Variants in CLEC17A observed in about 807,000 individuals in gnomAD.
The protein encoded by CLEC17A is C-type lectin domain containing 17A, also known as C-type lectin domain family 17, member A.
A neutral mutation model predicts 61.3 loss-of-function variants in CLEC17A; 37 were observed. The observed-to-expected ratio is 0.60, with a 90% CI of 0.46 to 0.79. The LOEUF (loss-of-function observed/expected upper bound fraction) is 0.79. CLEC17A is among the 30% of genes least tolerant of loss of function. CLEC17A has a pLI of 0.00. For missense variants in CLEC17A, 418 were observed against 464.7 expected (o/e 0.90, Z 0.92); for synonymous variants, 168 against 164.9 (o/e 1.02, Z -0.14).
chr19:14,587,774 A>G, intron 3 of CLEC17A, 83 bp downstream of exon 3: 4 of 1,583,088 alleles, frequency 2.5e-6, no homozygotes, highest in Non-Finnish European at 3.4e-6. Context: ...TTGTAGACAC[A>G]CAGTCAGTCT....
intron 3 of CLEC17A, among the ~76,000 whole-genome samples, chr19:14,591,869 C>T (rs2074426406): frequency 1.3e-5 from 2 of 149,442 alleles, no homozygotes; most frequent in Admixed American, 1.3e-4. Context: ...ATTGTTTCTT[C>T]CGTGTGTGAA....
At chr19:14,595,751 G>T (rs1432204060) in intron 8 of CLEC17A, among the ~76,000 whole-genome samples, 5 of 152,028 alleles carry the variant, frequency 3.3e-5, no homozygotes, top group African/African-American at 9.7e-5. Flanking sequence ...TAGTGATGGT[G>T]TTGTTGGTAT....
At position 14,607,028 on chromosome 19, in the gene CLEC17A, G is replaced by A. The variant is rs2074897102; in HGVS notation, c.930G>A (p.Val310=). 5.3e-6 allele frequency: 7 copies of A among 1,327,860 alleles called. No homozygotes were observed. The highest frequency in any genetic ancestry group is 6.5e-5 in the Admixed American group (2 of 30,554). The allele number at this position is 1,327,860 out of a possible 1,614,324, so 82.3% of individuals were successfully genotyped here. A position where few individuals can be genotyped will look rare whatever the true frequency, so the allele number is the denominator to read the frequency against. The part of the protein sequence containing the change: ...FVAKAHGSPR[V]YWLGLNDRAQ... ...CCAAGGCCCATGGCTCTCCACGGGT[G>A]TACTGGCTGGGGCTGAATGACAGGG... is the stretch of plus-strand genomic sequence containing the variant. The change falls in exon 13 of 14, where the codon GTG becomes GTA. Residue 310 remains valine (V), a synonymous_variant. Coordinates refer to ENST00000417570, the MANE Select transcript of CLEC17A (RefSeq NM_001204118.2).
chr19:14,607,209 C>CT (rs796728273), intron 13 of CLEC17A, 107 bp downstream of exon 13: 15,183 of 296,862 alleles, frequency 0.051, 59 homozygotes, highest in Middle Eastern at 0.063. Context: ...GGAGCTGTTT[C>CT]TTTTTTTTTT....
chr19:14,588,101 C>T (rs1264194060), intron 3 of CLEC17A, among the ~76,000 whole-genome samples: 4 of 152,066 alleles, frequency 2.6e-5, no homozygotes, highest in Non-Finnish European at 5.9e-5. Flanking sequence ...ATCTCCTCAC[C>T]TTTCTACCCA....
intron 12 of CLEC17A, among the ~76,000 whole-genome samples, chr19:14,602,727 T>C (rs916102118): frequency 2.6e-5 from 4 of 152,080 alleles, no homozygotes; most frequent in African/African-American, 9.7e-5. Flanking sequence ...ATTATTTGTA[T>C]GAGTAGTTAA....
At chr19:14,582,571 T>C (rs2074195145), upstream of CLEC17A, among the ~76,000 whole-genome samples, 1 of 151,994 alleles carries the variant, frequency 6.6e-6, no homozygotes, top group South Asian at 2.1e-4. Context: ...CTCAAGACCC[T>C]TAATTAATTA....
intron 4 of CLEC17A, among the ~76,000 whole-genome samples, chr19:14,593,964 AAAAC>A (rs542906170): frequency 1.1e-3 from 158 of 146,894 alleles, no homozygotes; most frequent in African/African-American, 2.2e-3. Context: ...TCTGTCTCAT[AAAAC>A]AAACAAACAA....
rs71166764 is a variant in CLEC17A, at chr19:14,607,550, A to ATTATTTAT, written c.1004+482_1004+489dup. ...AGCTCTACTTGTTTTATTTTATTTT[A>ATTATTTAT]TTATTTATTTATTTATTTATTTATT... is the stretch of plus-strand genomic sequence containing the variant. On this transcript the variant is annotated intron_variant, in intron 13 of 13. Coordinates refer to ENST00000417570, the MANE Select transcript of CLEC17A (RefSeq NM_001204118.2). Among the ~76,000 whole-genome samples, 1,011 of 141,458 alleles carry ATTATTTAT rather than the reference A, an allele frequency of 7.1e-3. 7 individuals carry two copies. Among genetic ancestry groups the ATTATTTAT allele is most frequent in the Admixed American group, 9.9e-3 (140 of 14,184 alleles). 92.8% of individuals were successfully genotyped at this position (141,458 alleles called of 152,430 possible). A position where few individuals can be genotyped will look rare whatever the true frequency, so the allele number is the denominator to read the frequency against.
At chr19:14,603,882 C>T (rs1022764439) in intron 12 of CLEC17A, among the ~76,000 whole-genome samples, 9 of 152,166 alleles carry the variant, frequency 5.9e-5, no homozygotes, top group African/African-American at 1.9e-4. Context: ...TGAGTTCCCT[C>T]TTCTTAAACT....
At chr19:14,587,294 C>G (rs1324447044) in intron 2 of CLEC17A, among the ~76,000 whole-genome samples, 3 of 150,324 alleles carry the variant, frequency 2.0e-5, no homozygotes, top group Non-Finnish European at 2.9e-5. Context: ...GGGCTTCCCC[C>G]CAAGATGGAT....
chr19:14,606,237 A>G (rs2074864633), intron 12 of CLEC17A, among the ~76,000 whole-genome samples: 1 of 152,204 alleles, frequency 6.6e-6, no homozygotes, highest in African/African-American at 2.4e-5. Flanking sequence ...TAAGACGTCC[A>G]CAGTATGAGG....
chr19:14,611,073 A>T lies in CLEC17A; in HGVS notation c.*877A>T, dbSNP rs1356247045. On this transcript the variant is annotated 3_prime_UTR_variant, in exon 14 of 14. Coordinates refer to ENST00000417570, the MANE Select transcript of CLEC17A (RefSeq NM_001204118.2). Reference sequence around the variant, plus strand: ...ATTTCCCTTTGAGCTAGACCTCTAGATCTGCCTCGCACAGAAATACATTAA... The same window carrying T: ...ATTTCCCTTTGAGCTAGACCTCTAGTTCTGCCTCGCACAGAAATACATTAA... The T allele has an allele frequency of 6.6e-6, 1 of 150,912 alleles. No homozygotes were observed. The highest frequency in any genetic ancestry group is 1.5e-5 in the Non-Finnish European group (1 of 67,926). The allele number at this position is 150,912 out of a possible 1,614,324, so 9.3% of individuals were successfully genotyped here.
intron 12 of CLEC17A, among the ~76,000 whole-genome samples, chr19:14,605,330 A>C (rs561781626): frequency 1.3e-5 from 2 of 149,696 alleles, no homozygotes; most frequent in South Asian, 4.6e-4. Flanking sequence ...TCCTGACCTC[A>C]GGTGATCCAC....
At chr19:14,592,789 C>T (rs897133009) in intron 4 of CLEC17A, among the ~76,000 whole-genome samples, 9 of 152,204 alleles carry the variant, frequency 5.9e-5, no homozygotes, top group East Asian at 1.9e-4. Flanking sequence ...CTCAGCCTCC[C>T]GATTAGCTGG....
intron 10 of CLEC17A, among the ~76,000 whole-genome samples, chr19:14,598,535 G>A (rs1033980386): frequency 6.6e-5 from 10 of 151,496 alleles, no homozygotes; most frequent in African/African-American, 2.4e-4. Flanking sequence ...GTACAGTGGC[G>A]CGATCTCAGC....
intron 12 of CLEC17A, among the ~76,000 whole-genome samples, chr19:14,600,682 C>T (rs1313010966): frequency 5.5e-5 from 8 of 144,920 alleles, no homozygotes; most frequent in Non-Finnish European, 7.6e-5. Context: ...CCCGGGTTCA[C>T]GCCATTCTCC....
At chr19:14,583,311 A>T (rs747284596) in intron 1 of CLEC17A, 46 bp from the exon 2 acceptor site, 1 of 1,608,402 alleles carries the variant, frequency 6.2e-7, no homozygotes, top group Non-Finnish European at 8.5e-7. Flanking sequence ...TGAGGGATGG[A>T]GGGAGGAGGG....
intron 12 of CLEC17A, among the ~76,000 whole-genome samples, chr19:14,603,343 G>A (rs2074770420): frequency 6.6e-6 from 1 of 152,102 alleles, no homozygotes; most frequent in African/African-American, 2.4e-5. Flanking sequence ...ATGATCCTGG[G>A]AAGGTTACTT....
Sources: gnomAD v4.1 joint callset for allele counts (sites outside exome capture counted in the v4.1 genomes callset) on GRCh38, gnomAD v4.1.1 for gene constraint, MANE v1.5 for transcripts, NCBI Gene and HGNC (gene_info 2026-07-23, HGNC 2026-07-21) for gene names.